CCDC62: variants seen among roughly 807,000 people sequenced by gnomAD.
CCDC62 encodes coiled-coil domain-containing protein 62.
CCDC62 carries 72 observed loss-of-function variants against 80.8 expected under a neutral mutation model. The ratio of observed to expected loss-of-function variants is 0.89; its 90% CI spans 0.74 to 1.08. The LOEUF (loss-of-function observed/expected upper bound fraction) is 1.08. CCDC62 is among the 50% of genes least tolerant of loss of function. The pLI is 0.00. For missense variants in CCDC62, 704 were observed against 809.4 expected, an observed-to-expected ratio of 0.87 and a Z score of 1.58; for synonymous variants, 286 against 296.5, an observed-to-expected ratio of 0.96 and a Z score of 0.36.
chr12:122,818,753 T>C (rs1380377331), intron 11 of CCDC62, among the ~76,000 whole-genome samples: 4 of 152,210 alleles, frequency 2.6e-5, no homozygotes, highest in East Asian at 1.9e-4. Context: ...TGAGACCCCA[T>C]TGCTAAAAAA....
intron 9 of CCDC62, among the ~76,000 whole-genome samples, chr12:122,803,623 G>T (rs578221330): frequency 6.6e-6 from 1 of 151,982 alleles, no homozygotes; most frequent in Non-Finnish European, 1.5e-5. Context: ...ATTGTATTTT[G>T]TTTATTTATT....
chr12:122,806,179 T>C lies in CCDC62; in HGVS notation c.1735T>C (p.Ser579Pro), dbSNP rs1305466269. 6.2e-7 allele frequency: 1 copy of C among 1,613,472 alleles called. No individual in the cohort carries two copies. Among genetic ancestry groups the C allele is most frequent in the African/African-American group, 1.3e-5 (1 of 74,938 alleles). ...SELIAIQDSHSLGSSKSALRE... is the reference protein window; with the variant it reads ...SELIAIQDSHPLGSSKSALRE... ...GCTAATTGCCATCCAAGATTCCCAC[T>C]CTTTGGGTTCTTCAAAATCTGCCTT... is the stretch of plus-strand genomic sequence containing the variant. The change falls in exon 10 of 13, where the codon TCT becomes CCT. Residue 579 changes from serine to proline, a missense_variant. Coordinates refer to ENST00000253079, the MANE Select transcript of CCDC62 (RefSeq NM_201435.5).
chr12:122,808,091 G>A (rs2031696615), intron 10 of CCDC62, among the ~76,000 whole-genome samples: 2 of 152,108 alleles, frequency 1.3e-5, no homozygotes, highest in African/African-American at 4.8e-5. Context: ...GAGGTCAGGC[G>A]TTCGAGACCA....
intron 5 of CCDC62, among the ~76,000 whole-genome samples, chr12:122,790,253 GT>G (rs2030519555): frequency 6.6e-6 from 1 of 152,058 alleles, no homozygotes; most frequent in African/African-American, 2.4e-5. Context: ...GTTTCATCAT[GT>G]TGGTCAGGCT....
chr12:122,780,791 GCAAA>G (rs893878571), intron 2 of CCDC62, among the ~76,000 whole-genome samples: 2 of 152,018 alleles, frequency 1.3e-5, no homozygotes, highest in African/African-American at 4.8e-5. Context: ...AGCAAAAAAA[GCAAA>G]CAGAAGAATT....
chr12:122,787,190 A>G (rs796177681), intron 4 of CCDC62, among the ~76,000 whole-genome samples: 28 of 151,918 alleles, frequency 1.8e-4, no homozygotes, highest in South Asian at 4.2e-4. Flanking sequence ...GCTCATGCCT[A>G]TAATCCCAGC....
chr12:122,780,614 A>AAAAATAAAATAAAAT (rs57578843), intron 2 of CCDC62, among the ~76,000 whole-genome samples: 137 of 136,538 alleles, frequency 1.0e-3, no homozygotes, highest in South Asian at 6.2e-3. Context: ...ACTCTGTCTC[A>AAAAATAAAATAAAAT]AAAATAAAAT....
chr12:122,783,733 C>T (rs2030022932), intron 3 of CCDC62, among the ~76,000 whole-genome samples: 1 of 152,064 alleles, frequency 6.6e-6, no homozygotes. Context: ...AACTAATACA[C>T]TTTATTTATT....
intron 10 of CCDC62, among the ~76,000 whole-genome samples, chr12:122,808,957 G>A (rs1319549750): frequency 6.6e-6 from 1 of 152,128 alleles, no homozygotes; most frequent in African/African-American, 2.4e-5. Context: ...ATTCTAATAG[G>A]TATGAAGAGG....
intron 3 of CCDC62, among the ~76,000 whole-genome samples, chr12:122,784,590 G>A (rs1017883055): frequency 6.6e-5 from 10 of 152,142 alleles, no homozygotes; most frequent in Admixed American, 4.6e-4. Flanking sequence ...TAGCACTTTG[G>A]GAGGCCAAGG....
chr12:122,803,468 C>T (rs1280330736), intron 9 of CCDC62, among the ~76,000 whole-genome samples: 1 of 152,110 alleles, frequency 6.6e-6, no homozygotes, highest in African/African-American at 2.4e-5. Flanking sequence ...TAAAATAAAG[C>T]ATAGCTCTTT....
At chr12:122,777,756 T>A (rs1351030445) in intron 2 of CCDC62, 73 bp downstream of exon 2, 32 of 1,417,476 alleles carry the variant, frequency 2.3e-5, no homozygotes, top group Non-Finnish European at 2.9e-5. Context: ...ATAGGGAAGA[T>A]AGAGAGGAAG....
At chr12:122,800,968 A>G (rs2031265534) in intron 8 of CCDC62, among the ~76,000 whole-genome samples, 156 bp from the exon 9 acceptor site, 1 of 152,232 alleles carries the variant, frequency 6.6e-6, no homozygotes, top group African/African-American at 2.4e-5. Context: ...GTGGTCAGAA[A>G]GGATTCCTGG....
At chr12:122,777,460 A>G in intron 1 of CCDC62, 31 bp from the exon 2 acceptor site, 2 of 1,570,738 alleles carry the variant, frequency 1.3e-6, no homozygotes, top group Non-Finnish European at 1.7e-6. Flanking sequence ...ATTTCATTCT[A>G]TTTTGATGTG....
intron 9 of CCDC62, among the ~76,000 whole-genome samples, 182 bp downstream of exon 9, chr12:122,802,034 A>T (rs2031344692): frequency 6.6e-6 from 1 of 152,166 alleles, no homozygotes; most frequent in African/African-American, 2.4e-5. Flanking sequence ...TGAGTCTTTA[A>T]TTATAGAGGC....
intron 4 of CCDC62, among the ~76,000 whole-genome samples, chr12:122,786,895 G>C (rs1282245395): frequency 6.6e-6 from 1 of 152,158 alleles, no homozygotes; most frequent in East Asian, 1.9e-4. Context: ...GGGAGGCGGA[G>C]CTTGCAGTGA....
At chr12:122,797,137 C>T (rs2031011399) in intron 6 of CCDC62, among the ~76,000 whole-genome samples, 170 bp from the exon 7 acceptor site, 1 of 152,100 alleles carries the variant, frequency 6.6e-6, no homozygotes, top group African/African-American at 2.4e-5. Flanking sequence ...CTCAGCCTCC[C>T]AAAGTGCTGC....
chr12:122,789,090 G>A (rs996184121), intron 5 of CCDC62, among the ~76,000 whole-genome samples, 161 bp downstream of exon 5: 1 of 152,178 alleles, frequency 6.6e-6, no homozygotes, highest in African/African-American at 2.4e-5. Flanking sequence ...GCTGCAATTT[G>A]TGTCTTATAA....
chr12:122,812,476 C>T (rs1168729679), intron 10 of CCDC62, among the ~76,000 whole-genome samples: 9 of 149,550 alleles, frequency 6.0e-5, no homozygotes, highest in African/African-American at 1.2e-4. Flanking sequence ...TGCGGTGGCT[C>T]ACACTTGTAA....
Sources: gnomAD v4.1 joint callset for allele counts (sites outside exome capture counted in the v4.1 genomes callset) on GRCh38, gnomAD v4.1.1 for gene constraint, MANE v1.5 for transcripts, NCBI Gene and HGNC (gene_info 2026-07-23, HGNC 2026-07-21) for gene names.